Variants in LYG2 observed in about 807,000 individuals in gnomAD.
The protein encoded by LYG2 is lysozyme g-like protein 2.
In LYG2, 25 loss-of-function variants were observed where a neutral mutation model predicts 22.4. That is an observed-to-expected ratio of 1.12 (90% CI 0.81 to 1.56). The LOEUF (loss-of-function observed/expected upper bound fraction) is 1.56. Ranked by LOEUF, LYG2 falls within the 40% of genes most tolerant of loss-of-function variation. The pLI is 0.00. For missense variants in LYG2, 266 were observed against 269.5 expected, an observed-to-expected ratio of 0.99 and a Z score of 0.09; for synonymous variants, 88 against 97.0, an observed-to-expected ratio of 0.91 and a Z score of 0.55.
chr2:99,246,573 A>G lies in LYG2; in HGVS notation c.184+107T>C. 3.1e-6 allele frequency: 4 copies of G among 1,300,236 alleles called. No homozygotes were observed. The South Asian group carries it at 4.4e-5, about 14-fold the overall frequency. 80.5% of individuals were successfully genotyped at this position (1,300,236 alleles called of 1,614,324 possible). ...TTTGCTCATTTTTAATTTTGATACTATTGTCATAATGATGATTATACCTTT... is the reference window on the plus strand; with the variant it reads ...TTTGCTCATTTTTAATTTTGATACTGTTGTCATAATGATGATTATACCTTT... On this transcript the variant is annotated intron_variant, in intron 4 of 6. Coordinates refer to ENST00000333017, the MANE Select transcript of LYG2 (RefSeq NM_175735.4).
At chr2:99,256,653 A>G (rs1421365502), upstream of LYG2, among the ~76,000 whole-genome samples, 1 of 152,240 alleles carries the variant, frequency 6.6e-6, no homozygotes, top group Non-Finnish European at 1.5e-5. Flanking sequence ...CTGGAAGAAG[A>G]CATTGTTAAT....
At chr2:99,243,594 G>T (rs2094010427) in intron 6 of LYG2, 1 of 1,130,094 alleles carries the variant, frequency 8.8e-7, no homozygotes, top group Non-Finnish European at 1.2e-6. Context: ...GGAGTGCAGT[G>T]ATGTAATCAA....
chr2:99,246,139 A>G (rs930783424), intron 4 of LYG2, among the ~76,000 whole-genome samples: 3 of 152,184 alleles, frequency 2.0e-5, no homozygotes, highest in African/African-American at 4.8e-5. Context: ...ACACTAGTGC[A>G]CTGGGAAGCC....
chr2:99,259,202 C>A (rs576329964), upstream of LYG2, among the ~76,000 whole-genome samples: 26 of 97,474 alleles, frequency 2.7e-4, no homozygotes, highest in Middle Eastern at 5.2e-3. Flanking sequence ...AGTTATTTAC[C>A]CAAGAGCAAT....
chr2:99,255,096 T>A lies in LYG2; in HGVS notation c.-102A>T, dbSNP rs1448215044. 6.6e-6 allele frequency: 1 copy of A among 152,252 alleles called. No individual in the cohort carries two copies. The highest frequency in any genetic ancestry group is 2.4e-5 in the African/African-American group (1 of 41,458). 9.4% of individuals were successfully genotyped at this position (152,252 alleles called of 1,614,324 possible). ...TCTGTACTCAGCAGCAAACTGCACT[T>A]CAAGCTTTTACAAAGCGACGGCCTT... On this transcript the variant is annotated 5_prime_UTR_variant, in exon 2 of 7. An upstream open reading frame in the 5' UTR loses its in-frame stop. Coordinates refer to ENST00000333017, the MANE Select transcript of LYG2 (RefSeq NM_175735.4).
chr2:99,261,128 C>CA, the LYG2 span, among the ~76,000 whole-genome samples: 4 of 151,994 alleles, frequency 2.6e-5, no homozygotes, highest in Non-Finnish European at 5.9e-5. Context: ...AAGGAGAAAA[C>CA]AGAGGGCTGG....
At chr2:99,253,764 C>A (rs548814954) in intron 3 of LYG2, among the ~76,000 whole-genome samples, 1 of 152,188 alleles carries the variant, frequency 6.6e-6, no homozygotes, top group African/African-American at 2.4e-5. Flanking sequence ...ACATGTCCCC[C>A]CCAAAAGCCT....
intron 5 of LYG2, among the ~76,000 whole-genome samples, chr2:99,244,597 T>C (rs981932677): frequency 3.3e-5 from 5 of 152,170 alleles, no homozygotes; most frequent in Non-Finnish European, 4.4e-5. Flanking sequence ...AGTTATACCA[T>C]GTTTTGATCC....
In LYG2 at chr2:99,244,031, A is replaced by T. The variant is rs756121427; in HGVS notation, c.488T>A (p.Phe163Tyr). 18 of 1,614,006 alleles carry T rather than the reference A, an allele frequency of 1.1e-5. No individual in the cohort carries two copies. Among genetic ancestry groups the T allele is most frequent in the Non-Finnish European group, 1.5e-5 (18 of 1,179,984 alleles). ...TERIKAIQKKFPTWSVAQHLK... is the reference protein window; with the variant it reads ...TERIKAIQKKYPTWSVAQHLK... Reference sequence around the variant, plus strand: ...GTGCTGAGCAACACTCCACGTGGGGAATTTTTTCTGGATTGCCTTAATTCT... The same window carrying T: ...GTGCTGAGCAACACTCCACGTGGGGTATTTTTTCTGGATTGCCTTAATTCT... The change falls in exon 6 of 7, where the codon TTC becomes TAC. Residue 163 changes from phenylalanine to tyrosine, a missense_variant. By Grantham distance (22) the Phe-to-Tyr change is conservative (BLOSUM62 3). Coordinates refer to ENST00000333017, the MANE Select transcript of LYG2 (RefSeq NM_175735.4).
At chr2:99,257,401 A>G (rs1176666268), upstream of LYG2, among the ~76,000 whole-genome samples, 1 of 152,200 alleles carries the variant, frequency 6.6e-6, no homozygotes, top group Admixed American at 6.5e-5. Context: ...CTAACTCTTA[A>G]CTGCAGTACC....
At chr2:99,253,842 T>C (rs2094031370) in intron 3 of LYG2, among the ~76,000 whole-genome samples, 1 of 152,178 alleles carries the variant, frequency 6.6e-6, no homozygotes, top group Non-Finnish European at 1.5e-5. Context: ...TAGTGCTTTT[T>C]TCCCACCTAT....
intron 3 of LYG2, among the ~76,000 whole-genome samples, chr2:99,248,283 G>A (rs1407867549): frequency 3.3e-5 from 5 of 152,078 alleles, no homozygotes; most frequent in African/African-American, 7.3e-5. Context: ...ACATGCACAC[G>A]TATGTTTATT....
intron 3 of LYG2, among the ~76,000 whole-genome samples, chr2:99,252,812 C>T (rs2094029031): frequency 6.6e-6 from 1 of 151,798 alleles, no homozygotes. Flanking sequence ...TTTGGGAGGC[C>T]AAGGCGGACG....
intron 5 of LYG2, 70 bp from the exon 6 acceptor site, chr2:99,244,207 C>T: frequency 6.6e-7 from 1 of 1,504,872 alleles, no homozygotes; most frequent in African/African-American, 1.4e-5. Context: ...TCCTAATTTC[C>T]TCTCCTGGTA....
chr2:99,257,708 A>G (rs1574867591), upstream of LYG2, among the ~76,000 whole-genome samples: 1 of 152,166 alleles, frequency 6.6e-6, no homozygotes, highest in African/African-American at 2.4e-5. Context: ...GCCTGCTCCT[A>G]AGACTCTTCA....
At chr2:99,244,839 AG>A (rs1435366300) in intron 5 of LYG2, among the ~76,000 whole-genome samples, 2 of 152,144 alleles carry the variant, frequency 1.3e-5, no homozygotes, top group Non-Finnish European at 2.9e-5. Context: ...GGCCGGGCAC[AG>A]TGGCTCAAGC....
upstream of LYG2, among the ~76,000 whole-genome samples, chr2:99,259,498 T>A (rs1364643795): frequency 6.6e-6 from 1 of 152,128 alleles, no homozygotes; most frequent in Non-Finnish European, 1.5e-5. Flanking sequence ...TGTCTAGGAA[T>A]ATATTTGTTT....
intron 3 of LYG2, among the ~76,000 whole-genome samples, chr2:99,249,162 T>G (rs2094022012): frequency 6.6e-6 from 1 of 152,236 alleles, no homozygotes; most frequent in Admixed American, 6.5e-5. Flanking sequence ...GGCTTATGCC[T>G]AGAATCCCAG....
chr2:99,249,023 T>C (rs1260040588), intron 3 of LYG2, among the ~76,000 whole-genome samples: 2 of 152,204 alleles, frequency 1.3e-5, no homozygotes, highest in Non-Finnish European at 2.9e-5. Context: ...GCAGAGCTTT[T>C]GCTAAAGGAG....
Sources: allele counts gnomAD v4.1 joint callset (sites outside exome capture counted in the v4.1 genomes callset), GRCh38; gene constraint gnomAD v4.1.1; transcripts MANE v1.5; gene names NCBI Gene and HGNC (gene_info 2026-07-23, HGNC 2026-07-21).